The following PACRGL variants were observed in gnomAD, a reference collection of about 807,000 sequenced individuals.
The protein encoded by PACRGL is PACRG-like protein.
PACRGL carries 38 observed loss-of-function variants against 34.5 expected under a neutral mutation model. That is an observed-to-expected ratio of 1.10 (90% CI 0.85 to 1.44). The LOEUF is 1.44. PACRGL is among the 40% of genes most tolerant of loss of function. The pLI, the probability that PACRGL is intolerant of heterozygous loss-of-function variation, is 0.00. For missense variants in PACRGL, 305 were observed against 281.4 expected, an observed-to-expected ratio of 1.08 and a Z score of -0.60; for synonymous variants, 128 against 100.1, an observed-to-expected ratio of 1.28 and a Z score of -1.66.
upstream of PACRGL, among the ~76,000 whole-genome samples, chr4:20,699,931 G>C (rs982751742): frequency 2.0e-5 from 3 of 152,114 alleles, no homozygotes; most frequent in African/African-American, 7.2e-5. Context: ...GAATGCAATA[G>C]CATATGAGAT....
intron 1 of PACRGL, chr4:20,701,782 C>T: frequency 4.4e-6 from 2 of 449,806 alleles, no homozygotes; most frequent in African/African-American, 2.0e-5. Context: ...CCAAATCCAC[C>T]CATGCCAAAG....
intron 1 of PACRGL, chr4:20,701,959 G>T (rs907269578): frequency 8.8e-6 from 4 of 454,686 alleles, no homozygotes; most frequent in East Asian, 6.9e-5. Flanking sequence ...TTTGAAAGGG[G>T]ATGTAGACGT....
At chr4:20,719,282 C>G (rs2149152764) in intron 7 of PACRGL, among the ~76,000 whole-genome samples, 1 of 152,278 alleles carries the variant, frequency 6.6e-6, no homozygotes, top group South Asian at 2.1e-4. Context: ...AAAACCAGCT[C>G]CTGGAGTCAT....
rs1748401898 is a variant in PACRGL at position 20,732,061 on chromosome 4, T to A, written c.*4720T>A. The A allele has an allele frequency of 6.2e-7, 1 of 1,606,442 alleles. No individual in the cohort carries two copies. Among genetic ancestry groups the A allele is most frequent in the Admixed American group, 1.7e-5 (1 of 59,102 alleles). On this transcript the variant is annotated 3_prime_UTR_variant, in exon 9 of 9. Coordinates refer to ENST00000503585, the MANE Select transcript of PACRGL (RefSeq NM_001258345.3). ...GGTAACAACCCCATCTTTATTTTTG[T>A]CCATTTTCTGTTCAGGAAGAAAACA...
the PACRGL span, among the ~76,000 whole-genome samples, chr4:20,763,824 C>T: frequency 6.6e-6 from 1 of 152,138 alleles, no homozygotes; most frequent in Non-Finnish European, 1.5e-5. Flanking sequence ...TGCCAAAGTG[C>T]TGGGATTACA....
chr4:20,720,642 T>G (rs1663735174), intron 7 of PACRGL, among the ~76,000 whole-genome samples: 1 of 152,246 alleles, frequency 6.6e-6, no homozygotes, highest in South Asian at 2.1e-4. Context: ...TTAAGGATGT[T>G]GAATATTGGC....
At chr4:20,742,185 A>G (rs973721785) in intron 8 of PACRGL, among the ~76,000 whole-genome samples, 11 of 152,212 alleles carry the variant, frequency 7.2e-5, no homozygotes, top group African/African-American at 2.7e-4. Context: ...ATTCCAATCA[A>G]CAGAAAAAGA....
downstream of PACRGL, among the ~76,000 whole-genome samples, chr4:20,734,290 G>A (rs1220878712): frequency 6.6e-6 from 1 of 152,136 alleles, no homozygotes; most frequent in Non-Finnish European, 1.5e-5. Context: ...ATCACATGCT[G>A]TGGGGAAAAG....
chr4:20,707,644 G>A (rs971695477), intron 3 of PACRGL, among the ~76,000 whole-genome samples, 159 bp from the exon 4 acceptor site: 10 of 152,174 alleles, frequency 6.6e-5, no homozygotes, highest in Non-Finnish European at 1.2e-4. Flanking sequence ...TGTGGTCGTG[G>A]TATTCTAGTA....
chr4:20,735,744 C>G (rs1178577874), downstream of PACRGL, among the ~76,000 whole-genome samples: 1 of 151,996 alleles, frequency 6.6e-6, no homozygotes, highest in Admixed American at 6.6e-5. Context: ...ACCATGTTGG[C>G]CAGGTTGGTG....
the PACRGL span, among the ~76,000 whole-genome samples, chr4:20,761,421 C>G: frequency 9.9e-5 from 15 of 152,166 alleles, no homozygotes; most frequent in Non-Finnish European, 1.5e-5. Flanking sequence ...TTTTGACTAT[C>G]TATCTAGCTG....
chr4:20,753,615 G>A (rs1470198522), downstream of PACRGL, among the ~76,000 whole-genome samples: 3 of 152,038 alleles, frequency 2.0e-5, no homozygotes, highest in Admixed American at 6.6e-5. Flanking sequence ...ATTCAAGCAC[G>A]AGGAATAGAA....
At chr4:20,745,886 G>A (rs1752316706) in intron 8 of PACRGL, among the ~76,000 whole-genome samples, 2 of 152,106 alleles carry the variant, frequency 1.3e-5, no homozygotes, top group Non-Finnish European at 2.9e-5. Flanking sequence ...GTAATGAGAT[G>A]ACCAATGTCA....
chr4:20,724,870 A>C lies in PACRGL; in HGVS notation c.672A>C (p.Leu224=), dbSNP rs1744957985. ...KEPITSALQK[L]EQHGGSGSLS... is the part of the protein sequence containing the mutation. ...CAATCACCAGCGCATTACAAAAGCTAGAGCAACATGGTGGAAGTGTAAGTA... is the reference window on the plus strand; with the variant it reads ...CAATCACCAGCGCATTACAAAAGCTCGAGCAACATGGTGGAAGTGTAAGTA... Residue 224 remains leucine (L), a synonymous_variant, in exon 8 of 9, where the codon CTA becomes CTC. Coordinates refer to ENST00000503585, the MANE Select transcript of PACRGL (RefSeq NM_001258345.3). 2.0e-6 allele frequency: 3 copies of C among 1,491,432 alleles called. No homozygotes were observed. Among genetic ancestry groups the C allele is most frequent in the East Asian group, 2.5e-5 (1 of 39,570 alleles). The allele number at this position is 1,491,432 out of a possible 1,614,324, so 92.4% of individuals were successfully genotyped here. A position where few individuals can be genotyped will look rare whatever the true frequency, so the allele number is the denominator to read the frequency against.
chr4:20,712,703 T>G, intron 5 of PACRGL, 85 bp from the exon 6 acceptor site: 3 of 1,207,502 alleles, frequency 2.5e-6, no homozygotes, highest in Non-Finnish European at 3.2e-6. Context: ...TTTTGATTTT[T>G]GTTTAAGCAA....
intron 7 of PACRGL, among the ~76,000 whole-genome samples, chr4:20,718,091 G>A (rs1028163160): frequency 6.6e-5 from 10 of 152,072 alleles, no homozygotes; most frequent in African/African-American, 2.4e-4. Context: ...TATTCTCTTT[G>A]AGGCAGTTGT....
chr4:20,729,008 G>T lies in PACRGL; in HGVS notation c.*1667G>T, dbSNP rs527625689. 6.6e-6 allele frequency: 1 copy of T among 152,386 alleles called. No homozygotes were observed. The highest frequency in any genetic ancestry group is 2.1e-4 in the South Asian group (1 of 4,828). The allele number at this position is 152,386 out of a possible 1,614,324, so 9.4% of individuals were successfully genotyped here. ...ACTTATTTTCTACTAAATCTTGGTA[G>T]TAGTTGTCAATGTAATGGAACCACT... is the stretch of plus-strand genomic sequence containing the variant. On this transcript the variant is annotated 3_prime_UTR_variant, in exon 9 of 9. Transcript: ENST00000503585.
intron 8 of PACRGL, among the ~76,000 whole-genome samples, chr4:20,745,134 C>G (rs183305450): frequency 6.6e-6 from 1 of 152,186 alleles, no homozygotes; most frequent in Non-Finnish European, 1.5e-5. Flanking sequence ...CCTCTTCTTG[C>G]AGCCCTACAG....
downstream of PACRGL, among the ~76,000 whole-genome samples, chr4:20,754,331 T>C (rs1375753180): frequency 2.0e-5 from 3 of 152,172 alleles, no homozygotes; most frequent in African/African-American, 7.2e-5. Context: ...GACAAAGCAC[T>C]TTCCTGGAGG....
Sources: allele counts gnomAD v4.1 joint callset (sites outside exome capture counted in the v4.1 genomes callset), GRCh38; gene constraint gnomAD v4.1.1; transcripts MANE v1.5; gene names NCBI Gene and HGNC (gene_info 2026-07-23, HGNC 2026-07-21).